The following EDDM13 variants were observed in gnomAD, a reference collection of about 807,000 sequenced individuals.
The protein encoded by EDDM13 is epididymal protein 13.
In EDDM13, 24 loss-of-function variants were observed where a neutral mutation model predicts 17.8. The observed-to-expected ratio is 1.35, with a 90% CI of 0.98 to 1.90. The LOEUF (loss-of-function observed/expected upper bound fraction) is 1.90, where lower values mean the gene tolerates loss of function less well. Among genes scored for constraint, EDDM13 ranks in the 40% most tolerant of loss-of-function variants. The pLI, the probability that EDDM13 is intolerant of heterozygous loss-of-function variation, is 0.00. For synonymous variants in EDDM13, 31 were observed against 37.5 expected (o/e 0.83, Z 0.63); for missense variants, 97 against 100.8 (o/e 0.96, Z 0.16).
At chr19:56,294,404 A>G (rs2039722145) in intron 9 of EDDM13, among the ~76,000 whole-genome samples, 2 of 152,214 alleles carry the variant, frequency 1.3e-5, no homozygotes, top group Admixed American at 1.3e-4. Flanking sequence ...AAACTCCCTT[A>G]GATTCTATTT....
intron 11 of EDDM13, among the ~76,000 whole-genome samples, chr19:56,296,733 C>T (rs1053234628): frequency 1.3e-5 from 2 of 152,068 alleles, no homozygotes; most frequent in African/African-American, 4.8e-5. Flanking sequence ...AAACGCAGTG[C>T]GGGAAACTTA....
intron 13 of EDDM13, among the ~76,000 whole-genome samples, chr19:56,303,250 C>T (rs753947669): frequency 2.6e-5 from 4 of 152,038 alleles, no homozygotes; most frequent in Non-Finnish European, 5.9e-5. Flanking sequence ...GAGGCTGAGG[C>T]GGCTGGATCA....
chr19:56,288,308 C>T (rs748245675), intron 6 of EDDM13, among the ~76,000 whole-genome samples, 77 bp from the exon 7 acceptor site: 1 of 152,186 alleles, frequency 6.6e-6, no homozygotes, highest in Non-Finnish European at 1.5e-5. Flanking sequence ...ACGCCCACAT[C>T]GTTCCCTCTG....
chr19:56,287,014 G>GA (rs1438207837), intron 6 of EDDM13, among the ~76,000 whole-genome samples: 1 of 152,238 alleles, frequency 6.6e-6, no homozygotes, highest in Non-Finnish European at 1.5e-5. Context: ...TAAAATGCCA[G>GA]AAACACTCAG....
intron 13 of EDDM13, among the ~76,000 whole-genome samples, chr19:56,302,558 TC>T (rs1164203036): frequency 0.014 from 399 of 29,234 alleles, 4 homozygotes; most frequent in African/African-American, 0.051. Context: ...CCTCCCTCCC[TC>T]CCCCCTTCCT....
intron 6 of EDDM13, 22 bp downstream of exon 6, chr19:56,285,046 T>C (rs1221791306): frequency 1.0e-6 from 1 of 984,458 alleles, no homozygotes; most frequent in East Asian, 1.1e-4. Context: ...GATTGTATCT[T>C]TTAAACCTGG....
chr19:56,287,788 C>T (rs944275110), intron 6 of EDDM13, among the ~76,000 whole-genome samples: 1 of 152,196 alleles, frequency 6.6e-6, no homozygotes, highest in African/African-American at 2.4e-5. Context: ...TGGCCACTAA[C>T]AGTAGATTCA....
intron 8 of EDDM13, among the ~76,000 whole-genome samples, chr19:56,290,601 A>T (rs866682502): frequency 6.6e-6 from 1 of 152,124 alleles, no homozygotes; most frequent in African/African-American, 2.4e-5. Flanking sequence ...GCTCATGCCT[A>T]TAATCCCAGC....
chr19:56,289,313 C>T (rs933295907), intron 8 of EDDM13, among the ~76,000 whole-genome samples: 4 of 152,076 alleles, frequency 2.6e-5, no homozygotes, highest in African/African-American at 9.7e-5. Flanking sequence ...TGCTCCAATG[C>T]GAGGGAGCTT....
chr19:56,277,037 G>A (rs2038317936), intron 2 of EDDM13, among the ~76,000 whole-genome samples: 1 of 152,164 alleles, frequency 6.6e-6, no homozygotes, highest in African/African-American at 2.4e-5. Context: ...GCCACAGTGA[G>A]GTATCACTTC....
chr19:56,302,598 CTCT>C (rs1343303437), intron 13 of EDDM13, among the ~76,000 whole-genome samples: 8 of 74,718 alleles, frequency 1.1e-4, no homozygotes, highest in Admixed American at 2.9e-4. Context: ...CTTCCTCTCC[CTCT>C]TCTTCCTCTC....
Position 56,279,121 on chromosome 19 carries a change from G to A in EDDM13, c.104-2572G>A, listed in dbSNP as rs183005780. Among the ~76,000 whole-genome samples, 4 of 152,238 alleles carry A rather than the reference G, an allele frequency of 2.6e-5. No individual in the cohort carries two copies. The East Asian group carries it at 5.8e-4, about 22-fold the overall frequency. ...GCCTACTGAAGCATTGAGAATAAACGTCTTACTGCTATATGGGTGCCTTAG... is the reference window on the plus strand; with the variant it reads ...GCCTACTGAAGCATTGAGAATAAACATCTTACTGCTATATGGGTGCCTTAG... On this transcript the variant is annotated intron_variant, in intron 2 of 14. Coordinates refer to ENST00000649256, the MANE Select transcript of EDDM13 (RefSeq NM_001354658.2).
At chr19:56,275,400 G>A (rs893962883) in intron 1 of EDDM13, among the ~76,000 whole-genome samples, 14 of 152,002 alleles carry the variant, frequency 9.2e-5, no homozygotes, top group Non-Finnish European at 1.8e-4. Context: ...ATTTATTCAA[G>A]TACTGTATTT....
rs191992431 is a variant in EDDM13 at position 56,283,259 on chromosome 19, A to G, written c.118+760A>G. The G allele has an allele frequency of 4.6e-5, 7 of 151,592 alleles. No homozygotes were observed. The East Asian group carries it at 1.4e-3, about 29-fold the overall frequency. The allele number at this position is 151,592 out of a possible 1,614,324, so 9.4% of individuals were successfully genotyped here. On this transcript the variant is annotated intron_variant, in intron 4 of 14. Coordinates refer to ENST00000649256, the MANE Select transcript of EDDM13 (RefSeq NM_001354658.2). ...TATGTATGAATCCAATACTATTATC[A>G]TCATTATTATTATTACGTACTTCAT...
At chr19:56,295,626 A>T (rs1366934824) in intron 9 of EDDM13, among the ~76,000 whole-genome samples, 1 of 151,852 alleles carries the variant, frequency 6.6e-6, no homozygotes, top group African/African-American at 2.4e-5. Flanking sequence ...ACAAAAACAA[A>T]CAGAAGAGAT....
intron 2 of EDDM13, 35 bp from the exon 3 acceptor site, chr19:56,281,658 G>C: frequency 1.0e-6 from 1 of 983,958 alleles, no homozygotes; most frequent in Middle Eastern, 5.2e-4. Context: ...TTTCCATGTT[G>C]ATTCACTGGC....
chr19:56,305,791 G>C (rs1838935431), intron 14 of EDDM13, among the ~76,000 whole-genome samples: 1 of 152,164 alleles, frequency 6.6e-6, no homozygotes, highest in African/African-American at 2.4e-5. Flanking sequence ...TGGATAGTTG[G>C]GTGATGAAGG....
At chr19:56,293,816 T>C (rs565701475) in intron 9 of EDDM13, among the ~76,000 whole-genome samples, 1 of 151,976 alleles carries the variant, frequency 6.6e-6, no homozygotes, top group Non-Finnish European at 1.5e-5. Flanking sequence ...GAGATGTTGC[T>C]ACACATCCTA....
At chr19:56,277,065 G>A (rs2038319994) in intron 2 of EDDM13, among the ~76,000 whole-genome samples, 1 of 152,210 alleles carries the variant, frequency 6.6e-6, no homozygotes, top group South Asian at 2.1e-4. Context: ...CTAACGTGGA[G>A]AAATCAGAAC....
Sources: gnomAD v4.1 joint callset for allele counts (sites outside exome capture counted in the v4.1 genomes callset) on GRCh38, gnomAD v4.1.1 for gene constraint, MANE v1.5 for transcripts, NCBI Gene and HGNC (gene_info 2026-07-23, HGNC 2026-07-21) for gene names.